The following MYO18B variants were observed in gnomAD, a reference collection of about 807,000 sequenced individuals.
MYO18B encodes myosin XVIIIB, also known as unconventional myosin-XVIIIb.
MYO18B carries 204 observed loss-of-function variants against 273.0 expected under a neutral mutation model. The ratio of observed to expected loss-of-function variants is 0.75; its 90% confidence interval spans 0.67 to 0.84. The LOEUF is 0.84. Ranked by LOEUF, MYO18B falls within the 40% of genes least tolerant of loss-of-function variation. The probability of loss-of-function intolerance (pLI) is 0.00; values close to 1 mark genes in which losing one functional copy is unlikely to be tolerated. For missense variants in MYO18B, 3,212 were observed against 3,287.6 expected, an observed-to-expected ratio of 0.98 and a Z score of 0.56; for synonymous variants, 1,330 against 1,305.7, an observed-to-expected ratio of 1.02 and a Z score of -0.40.
At chr22:26,009,191 A>G (rs563795732) in intron 42 of MYO18B, among the ~76,000 whole-genome samples, 23 of 152,280 alleles carry the variant, frequency 1.5e-4, no homozygotes, top group Admixed American at 1.0e-3. Context: ...GCTGTGATGT[A>G]TATGCATTCA....
intron 3 of MYO18B, among the ~76,000 whole-genome samples, chr22:25,766,952 A>G (rs1236209909): frequency 2.0e-5 from 3 of 152,206 alleles, no homozygotes; most frequent in Non-Finnish European, 4.4e-5. Context: ...AAAAAGAGAC[A>G]TAGATGTGAA....
At chr22:25,963,487 T>G (rs1002076256) in intron 39 of MYO18B, among the ~76,000 whole-genome samples, 5 of 149,434 alleles carry the variant, frequency 3.3e-5, no homozygotes, top group Admixed American at 1.3e-4. Flanking sequence ...CCTCTTCTCT[T>G]TCTGTCTCCA....
At chr22:25,990,553 C>T (rs571836896) in intron 39 of MYO18B, among the ~76,000 whole-genome samples, 26 of 151,528 alleles carry the variant, frequency 1.7e-4, no homozygotes, top group Middle Eastern at 6.8e-3. Flanking sequence ...CAAGTGTGGT[C>T]GTGGGTGCCT....
chr22:25,948,122 C>T (rs528908446), intron 36 of MYO18B, among the ~76,000 whole-genome samples: 1 of 152,214 alleles, frequency 6.6e-6, no homozygotes, highest in South Asian at 2.1e-4. Flanking sequence ...ATCAATTCAC[C>T]CATTCACTTT....
At chr22:26,022,912 AACCTATGGCCTCT>A (rs1935932309) in intron 42 of MYO18B, among the ~76,000 whole-genome samples, 1 of 152,216 alleles carries the variant, frequency 6.6e-6, no homozygotes, top group Non-Finnish European at 1.5e-5. Flanking sequence ...GGGCCCAGCA[AACCTATGGCCTCT>A]GTACCTGATT....
At chr22:25,913,870 TAATC>T (rs2092209446) in intron 33 of MYO18B, among the ~76,000 whole-genome samples, 1 of 152,374 alleles carries the variant, frequency 6.6e-6, no homozygotes, top group Non-Finnish European at 1.5e-5. Flanking sequence ...ACAGTCGTGT[TAATC>T]AAGCATGTTT....
At chr22:25,888,343 G>T (rs2091563145) in intron 25 of MYO18B, among the ~76,000 whole-genome samples, 1 of 152,076 alleles carries the variant, frequency 6.6e-6, no homozygotes, top group South Asian at 2.1e-4. Flanking sequence ...AGCTGCTGCA[G>T]CCTAAACCCC....
At chr22:25,963,870 T>G (rs1333789107) in intron 39 of MYO18B, 1 of 152,110 alleles carries the variant, frequency 6.6e-6, no homozygotes, top group Non-Finnish European at 1.5e-5. Flanking sequence ...TTTTCTTTCT[T>G]CCTTTTCTTA....
At chr22:25,855,623 GT>G (rs1222152442) in intron 21 of MYO18B, among the ~76,000 whole-genome samples, 4 of 152,090 alleles carry the variant, frequency 2.6e-5, no homozygotes, top group Non-Finnish European at 5.9e-5. Context: ...TAGTGTCTAT[GT>G]ACCACATTTT....
intron 11 of MYO18B, among the ~76,000 whole-genome samples, chr22:25,789,781 C>T (rs1489562881): frequency 6.6e-6 from 1 of 152,244 alleles, no homozygotes; most frequent in Non-Finnish European, 1.5e-5. Context: ...GAGAAACCCA[C>T]TGGTCCTATA....
chr22:25,879,185 C>G (rs2091274734), intron 25 of MYO18B, among the ~76,000 whole-genome samples: 1 of 152,220 alleles, frequency 6.6e-6, no homozygotes, highest in South Asian at 2.1e-4. Context: ...TGACTGCTTT[C>G]ATGTTACAAT....
intron 12 of MYO18B, among the ~76,000 whole-genome samples, chr22:25,818,465 A>G (rs982591967): frequency 3.6e-4 from 55 of 152,156 alleles, no homozygotes; most frequent in African/African-American, 4.8e-5. Context: ...TCTGTTCTGC[A>G]TTTGTGCACT....
rs1344536455 is a variant in MYO18B, at chr22:25,768,378, G to A, written c.462G>A (p.Leu154=). 6.2e-7 allele frequency: 1 copy of A among 1,613,756 alleles called. No homozygotes were observed. The highest frequency in any genetic ancestry group is 2.2e-5 in the East Asian group (1 of 44,896). Residue 154 remains leucine, a synonymous_variant, in exon 4 of 44, where the codon TTG becomes TTA. Transcript: ENST00000335473. ...FKRGVRRGDV[L]LMVAKLDPDS... ...GGGGCGTGAGGAGGGGTGATGTGTT[G>A]TTGATGGTGGCCAAGCTGGACCCGG...
chr22:25,988,176 C>T (rs182523884), intron 39 of MYO18B, among the ~76,000 whole-genome samples: 13 of 151,766 alleles, frequency 8.6e-5, no homozygotes, highest in Non-Finnish European at 1.3e-4. Context: ...TCCGTGTCTC[C>T]GGAGGGGTCT....
intron 39 of MYO18B, among the ~76,000 whole-genome samples, chr22:25,970,614 C>T (rs1224460493): frequency 6.6e-6 from 1 of 152,152 alleles, no homozygotes; most frequent in East Asian, 1.9e-4. Flanking sequence ...CTCCCCCTCT[C>T]AAAGTTTTCA....
chr22:25,742,362 C>A (rs2085651341), intron 1 of MYO18B, 69 bp downstream of exon 1: 1 of 152,214 alleles, frequency 6.6e-6, no homozygotes. Flanking sequence ...TTCCGGAATG[C>A]GCTGCTGGGG....
chr22:25,888,832 T>C (rs1003611221), intron 25 of MYO18B, among the ~76,000 whole-genome samples: 16 of 152,178 alleles, frequency 1.1e-4, no homozygotes, highest in African/African-American at 3.6e-4. Flanking sequence ...TGCATTTTGG[T>C]CTCAGCAGTC....
intron 21 of MYO18B, among the ~76,000 whole-genome samples, chr22:25,861,349 A>G (rs2090730115): frequency 6.6e-6 from 1 of 152,198 alleles, no homozygotes; most frequent in African/African-American, 2.4e-5. Context: ...ATAATGCCGT[A>G]TCTTCTGGAT....
In MYO18B at chr22:25,851,551, C is replaced by G; in HGVS notation, c.3857C>G (p.Ser1286Trp). Residue 1286 changes from serine to tryptophan, a missense_variant, in exon 21 of 44, where the codon TCG (serine) becomes TGG (tryptophan). Physicochemically the swap from Ser to Trp is radical, Grantham distance 177. Coordinates refer to ENST00000335473, the MANE Select transcript of MYO18B (RefSeq NM_032608.7). ...GCTCCACTCCTGAAGAAGCTCATGT[C>G]GACCTCCGAGGGAATAGATGAAAGG... ...LDAPLLKKLM[S>W]TSEGIDERKA... 6.4e-7 allele frequency: 1 copy of G among 1,559,000 alleles called. No homozygotes were observed. The highest frequency in any genetic ancestry group is 1.2e-5 in the South Asian group (1 of 84,326).
Sources: allele counts gnomAD v4.1 joint callset (sites outside exome capture counted in the v4.1 genomes callset), GRCh38; gene constraint gnomAD v4.1.1; transcripts MANE v1.5; gene names NCBI Gene and HGNC (gene_info 2026-07-23, HGNC 2026-07-21).